Variants in RAP1GDS1 observed in about 807,000 individuals in gnomAD.
RAP1GDS1 encodes the protein Rap1 GTPase-GDP dissociation stimulator 1.
In RAP1GDS1, 35 loss-of-function variants were observed where a neutral mutation model predicts 71.1. The ratio of observed to expected loss-of-function variants is 0.49; its 90% CI spans 0.38 to 0.65. The LOEUF (loss-of-function observed/expected upper bound fraction) is 0.65, where lower values mean the gene tolerates loss of function less well. RAP1GDS1 is among the 30% of genes least tolerant of loss of function. The probability of loss-of-function intolerance (pLI) is 0.00; values close to 1 mark genes in which losing one functional copy is unlikely to be tolerated. For missense variants in RAP1GDS1, 663 were observed against 706.1 expected (o/e 0.94, Z 0.69); for synonymous variants, 229 against 243.1 (o/e 0.94, Z 0.54).
chr4:98,281,750 A>G (rs1725139480), intron 1 of RAP1GDS1, among the ~76,000 whole-genome samples: 1 of 152,192 alleles, frequency 6.6e-6, no homozygotes, highest in South Asian at 2.1e-4. Flanking sequence ...TGGCTTTGTC[A>G]TAAATAGCTC....
At position 98,352,486 on chromosome 4, in the gene RAP1GDS1, A is replaced by C; in HGVS notation, c.246A>C (p.Arg82=). 6.2e-7 allele frequency: 1 copy of C among 1,613,690 alleles called. No individual in the cohort carries two copies. The highest frequency in any genetic ancestry group is 8.5e-7 in the Non-Finnish European group (1 of 1,179,728). ...GTCTCTTATTTTCAGAGTTTATGCG[A>C]ATTCCATGTGTGGATGCTGGATTGA... is the stretch of plus-strand genomic sequence containing the variant. ...IAEVAKNEFM[R]IPCVDAGLIS... is the part of the protein sequence containing the mutation. Residue 82 remains arginine (R), a synonymous_variant, in exon 4 of 15, where the codon CGA becomes CGC. Coordinates refer to ENST00000408927, the MANE Select transcript of RAP1GDS1 (RefSeq NM_001100427.2).
At chr4:98,339,273 T>C (rs1427556544) in intron 2 of RAP1GDS1, among the ~76,000 whole-genome samples, 2 of 152,254 alleles carry the variant, frequency 1.3e-5, no homozygotes, top group South Asian at 2.1e-4. Context: ...TCAGGGGCTA[T>C]TGTGATGGAT....
At chr4:98,340,049 A>G (rs1034289763) in intron 2 of RAP1GDS1, among the ~76,000 whole-genome samples, 4 of 151,830 alleles carry the variant, frequency 2.6e-5, no homozygotes, top group Admixed American at 2.0e-4. Context: ...GTGAGGTTGC[A>G]GAGAAAAGGG....
intron 1 of RAP1GDS1, among the ~76,000 whole-genome samples, chr4:98,291,915 C>T (rs1578325221): frequency 6.6e-6 from 1 of 152,184 alleles, no homozygotes; most frequent in African/African-American, 2.4e-5. Flanking sequence ...TAAGGAACTG[C>T]CAGGTGTCCA....
rs79578491 is a variant in RAP1GDS1 at position 98,429,549 on chromosome 4, A to G, written c.1441-4387A>G. On this transcript the variant is annotated intron_variant, in intron 12 of 14. Transcript: ENST00000408927. Reference sequence around the variant, plus strand: ...AAAGACTACAAATATGGTGCAGTGTATACTGCTCGGGTGATGGGTCCACCA... The same window carrying G: ...AAAGACTACAAATATGGTGCAGTGTGTACTGCTCGGGTGATGGGTCCACCA... Among the ~76,000 whole-genome samples the G allele has an allele frequency of 3.8e-3, 584 of 152,292 alleles. 6 individuals are homozygous for G. Among genetic ancestry groups the G allele is most frequent in the African/African-American group, 0.013 (559 of 41,562 alleles).
chr4:98,441,026 T>G (rs1751791163), intron 14 of RAP1GDS1, among the ~76,000 whole-genome samples: 1 of 152,258 alleles, frequency 6.6e-6, no homozygotes, highest in Non-Finnish European at 1.5e-5. Flanking sequence ...TACCCCACTA[T>G]CTTGATTATT....
At chr4:98,434,887 G>A (rs796779143) in intron 13 of RAP1GDS1, among the ~76,000 whole-genome samples, 116 of 152,202 alleles carry the variant, frequency 7.6e-4, no homozygotes, top group Middle Eastern at 3.4e-3. Flanking sequence ...CTCCCAAAGC[G>A]CTGGGATTAC....
At chr4:98,414,901 G>C (rs1312008564) in intron 7 of RAP1GDS1, among the ~76,000 whole-genome samples, 2 of 151,504 alleles carry the variant, frequency 1.3e-5, no homozygotes, top group Non-Finnish European at 2.9e-5. Flanking sequence ...TTGAGCAGTG[G>C]TTTGTAGTTC....
chr4:98,384,619 T>G (rs1484733287), intron 5 of RAP1GDS1, among the ~76,000 whole-genome samples: 3 of 151,690 alleles, frequency 2.0e-5, no homozygotes, highest in African/African-American at 7.2e-5. Flanking sequence ...ATGCTGTTAC[T>G]TAATGAACAG....
At chr4:98,311,294 C>T (rs1730180732) in intron 2 of RAP1GDS1, among the ~76,000 whole-genome samples, 1 of 152,038 alleles carries the variant, frequency 6.6e-6, no homozygotes, top group Non-Finnish European at 1.5e-5. Context: ...AAGCATTTTG[C>T]TAGGCCTCTG....
intron 7 of RAP1GDS1, among the ~76,000 whole-genome samples, chr4:98,412,188 T>C (rs1224877093): frequency 1.3e-4 from 20 of 152,158 alleles, no homozygotes; most frequent in Admixed American, 1.3e-3. Flanking sequence ...ATGACTAAAA[T>C]AAAATCCAAC....
chr4:98,261,510 G>C lies in RAP1GDS1; in HGVS notation c.-56G>C. 1.3e-6 allele frequency: 2 copies of C among 1,568,822 alleles called. No homozygotes were observed. Among genetic ancestry groups the C allele is most frequent in the Non-Finnish European group, 1.7e-6 (2 of 1,152,628 alleles). ...TAGAGGGAGGACACAGAGCCGCGCC[G>C]CCCGCACCACAGACCTTCGCCTCGC... On this transcript the variant is annotated 5_prime_UTR_variant, in exon 1 of 15. Transcript: ENST00000408927.
At chr4:98,416,637 A>T in intron 7 of RAP1GDS1, 108 bp from the exon 8 acceptor site, 1 of 1,075,700 alleles carries the variant, frequency 9.3e-7, no homozygotes, top group Non-Finnish European at 1.3e-6. Flanking sequence ...GGCGTGAGCC[A>T]CCGCACCTGG....
intron 2 of RAP1GDS1, among the ~76,000 whole-genome samples, chr4:98,315,083 C>G (rs561783449): frequency 6.6e-6 from 1 of 152,190 alleles, no homozygotes; most frequent in East Asian, 1.9e-4. Flanking sequence ...ATGTATTTTT[C>G]TTTTTGGCTT....
intron 6 of RAP1GDS1, among the ~76,000 whole-genome samples, chr4:98,393,684 T>C (rs952494722): frequency 1.8e-4 from 28 of 152,184 alleles, no homozygotes; most frequent in African/African-American, 6.5e-4. Context: ...TCCAATACAG[T>C]AGCTACCAGC....
At chr4:98,407,696 GA>G in intron 7 of RAP1GDS1, among the ~76,000 whole-genome samples, 1 of 152,200 alleles carries the variant, frequency 6.6e-6, no homozygotes, top group African/African-American at 2.4e-5. Context: ...ATGAGGGGGT[GA>G]GGGGTAAAAA....
chr4:98,418,547 T>C (rs1399584143), intron 9 of RAP1GDS1, 110 bp from the exon 10 acceptor site: 1 of 988,462 alleles, frequency 1.0e-6, no homozygotes, highest in Non-Finnish European at 1.4e-6. Context: ...GAATTCATTT[T>C]ATTGTATAGC....
chr4:98,391,135 C>A (rs1743587242), intron 5 of RAP1GDS1, among the ~76,000 whole-genome samples: 1 of 151,984 alleles, frequency 6.6e-6, no homozygotes, highest in East Asian at 1.9e-4. Flanking sequence ...ATTTTTGGTT[C>A]ATTTATCTTC....
chr4:98,346,590 G>C (rs1030293124), intron 3 of RAP1GDS1, among the ~76,000 whole-genome samples: 32 of 151,746 alleles, frequency 2.1e-4, no homozygotes, highest in Admixed American at 2.0e-3. Context: ...AGTCGCCCAG[G>C]CTGGAGTGCA....
Sources: gnomAD v4.1 joint callset for allele counts (sites outside exome capture counted in the v4.1 genomes callset) on GRCh38, gnomAD v4.1.1 for gene constraint, MANE v1.5 for transcripts, NCBI Gene and HGNC (gene_info 2026-07-23, HGNC 2026-07-21) for gene names.